The following TMEM175 variants were observed in gnomAD, a reference collection of about 807,000 sequenced individuals.
The protein encoded by TMEM175 is endosomal/lysosomal proton channel TMEM175.
TMEM175 carries 36 observed loss-of-function variants against 36.5 expected under a neutral mutation model. That is an observed-to-expected ratio of 0.99 (90% CI 0.76 to 1.30). TMEM175 has a LOEUF of 1.30. Among genes scored for constraint, TMEM175 ranks in the 50% most tolerant of loss-of-function variants. The pLI is 0.00. For missense variants in TMEM175, 705 were observed against 692.8 expected (o/e 1.02, Z -0.20); for synonymous variants, 339 against 313.4 (o/e 1.08, Z -0.86).
chr4:953,492 G>T, intron 8 of TMEM175, 138 bp downstream of exon 8: 1 of 1,102,670 alleles, frequency 9.1e-7, no homozygotes, highest in South Asian at 1.7e-5. Flanking sequence ...TTGTGTGTGA[G>T]GCCCAGGGCT....
chr4:955,330 A>G (rs990880371), intron 8 of TMEM175, 75 bp from the exon 9 acceptor site: 2 of 1,216,026 alleles, frequency 1.6e-6, no homozygotes, highest in East Asian at 2.4e-5. Context: ...CTGCTTTGGC[A>G]CACAGCTTTG....
rs756211893 is a variant in TMEM175 at position 955,745 on chromosome 4, G to A, written c.707-10G>A. On this transcript the variant is annotated splice_polypyrimidine_tract_variant and intron_variant, in intron 9 of 10. Transcript: ENST00000264771. ...GTTTGGCCAGCTCCACCCTCCTGGC[G>A]TGTCCCCAGGCCACAGGGAGCCCTC... 26 of 1,612,102 alleles carry A rather than the reference G, an allele frequency of 1.6e-5. 1 individual carries two copies. Among genetic ancestry groups the A allele is most frequent in the East Asian group, 6.7e-5 (3 of 44,856 alleles).
chr4:943,334 G>A (rs1478000658), intron 1 of TMEM175, among the ~76,000 whole-genome samples: 3 of 152,046 alleles, frequency 2.0e-5, no homozygotes, highest in Middle Eastern at 3.2e-3. Flanking sequence ...TCACCGCAAC[G>A]TCCACTTTCT....
chr4:951,310 C>T (rs1577428672), intron 5 of TMEM175, 52 bp downstream of exon 5: 1 of 1,602,486 alleles, frequency 6.2e-7, no homozygotes, highest in South Asian at 1.1e-5. Flanking sequence ...TGTAATCTGA[C>T]CCTCAGGGAA....
rs904910074 is a variant in TMEM175 at position 947,611 on chromosome 4, C to T, written c.-31-98C>T. The T allele has an allele frequency of 2.5e-5, 23 of 913,134 alleles. No homozygotes were observed. The South Asian group carries it at 3.3e-4, about 13-fold the overall frequency. The allele number at this position is 913,134 out of a possible 1,614,324, so 56.6% of individuals were successfully genotyped here. A position where few individuals can be genotyped will look rare whatever the true frequency, so the allele number is the denominator to read the frequency against. ...CCCTGCTCAGTGGCGGCCAAGCCCC[C>T]CCCCATACCAGTCCCTGTCCCTGCA... On this transcript the variant is annotated intron_variant, in intron 1 of 10. Coordinates refer to ENST00000264771, the MANE Select transcript of TMEM175 (RefSeq NM_032326.4).
At position 953,361 on chromosome 4, in the gene TMEM175, G is replaced by C; in HGVS notation, c.627+7G>C. 6.3e-7 allele frequency: 1 copy of C among 1,599,060 alleles called. No homozygotes were observed. Among genetic ancestry groups the C allele is most frequent in the Non-Finnish European group, 8.5e-7 (1 of 1,171,090 alleles). ...TCTCTTCTTTGTCCCCTTGGTGAGT[G>C]CTGGGACAGCCCGTGGGGCCCAGGC... is the stretch of plus-strand genomic sequence containing the variant. On this transcript the variant is annotated splice_region_variant and intron_variant, in intron 8 of 10. Coordinates refer to ENST00000264771, the MANE Select transcript of TMEM175 (RefSeq NM_032326.4).
chr4:958,178 G>GCAC lies in TMEM175; in HGVS notation c.1200_1202dup (p.His400dup), dbSNP rs1711505567. The GCAC allele has an allele frequency of 6.2e-7, 1 of 1,603,568 alleles. No individual in the cohort carries two copies. The highest frequency in any genetic ancestry group is 1.3e-5 in the African/African-American group (1 of 74,934). ...TGGCCATGTGGACCACGGCGCTGCT[G>GCAC]CACCAGGCGGAGACGCTGCAGCCCT... On this transcript the variant is annotated inframe_insertion, in exon 11 of 11. Coordinates refer to ENST00000264771, the MANE Select transcript of TMEM175 (RefSeq NM_032326.4).
intron 5 of TMEM175, 142 bp downstream of exon 5, chr4:951,400 C>G: frequency 1.0e-6 from 1 of 988,282 alleles, no homozygotes; most frequent in Non-Finnish European, 1.6e-6. Flanking sequence ...CTGGGAGCTC[C>G]TTGAATGATC....
At chr4:945,600 C>G (rs1728046138) in intron 1 of TMEM175, among the ~76,000 whole-genome samples, 2 of 152,198 alleles carry the variant, frequency 1.3e-5, no homozygotes, top group South Asian at 4.1e-4. Flanking sequence ...GGGGTGAACT[C>G]TCCTTGTTTT....
chr4:943,201 T>C (rs1405796045), intron 1 of TMEM175, among the ~76,000 whole-genome samples: 1 of 152,204 alleles, frequency 6.6e-6, no homozygotes, highest in Non-Finnish European at 1.5e-5. Context: ...GAGACACCCC[T>C]ACACGAGTAC....
In TMEM175 at chr4:957,886, C is replaced by T. The variant is rs751184486; in HGVS notation, c.905C>T (p.Ala302Val). ...AGGTTCAGCGGCAGCCTCGTGGCCG[C>T]CCTGAGTGCGACCGGGCCGCGCTTC... Reference protein sequence around the residue: ...KERFSGSLVAALSATGPRFLA... With the variant: ...KERFSGSLVAVLSATGPRFLA... Residue 302 changes from alanine to valine, a missense_variant, in exon 11 of 11, where the codon GCC (alanine) becomes GTC (valine). Transcript: ENST00000264771. 6.2e-7 allele frequency: 1 copy of T among 1,612,798 alleles called. No individual in the cohort carries two copies. The highest frequency in any genetic ancestry group is 1.3e-5 in the African/African-American group (1 of 75,066).
chr4:955,388 G>A lies in TMEM175; in HGVS notation c.628-17G>A, dbSNP rs201833639. The A allele has an allele frequency of 3.4e-5, 55 of 1,611,450 alleles. No homozygotes were observed. The highest frequency in any genetic ancestry group is 2.3e-4 in the Admixed American group (14 of 60,008). On this transcript the variant is annotated splice_polypyrimidine_tract_variant and intron_variant, in intron 8 of 10. Coordinates refer to ENST00000264771, the MANE Select transcript of TMEM175 (RefSeq NM_032326.4). ...ACCCCTGTGGAGGGCACTGACCTGC[G>A]GTTTGTCTCCCTGCAGTCTTACCTG... is the stretch of plus-strand genomic sequence containing the variant.
At chr4:954,686 T>C (rs981936949) in intron 8 of TMEM175, among the ~76,000 whole-genome samples, 1 of 152,192 alleles carries the variant, frequency 6.6e-6, no homozygotes, top group East Asian at 1.9e-4. Context: ...TTGGTGATTC[T>C]GTTTAATTTT....
rs1281209125 is a variant in TMEM175 at position 950,429 on chromosome 4, CAG to C, written c.203_204del (p.Arg68LysfsTer67). The part of the protein sequence containing the change: ...TEISPEQQFD[R>X]SVQRLLATRI... Reference sequence around the variant, plus strand: ...GTGCTCTTGTATTCCAGCAGTTCGACAGAAGTGTACAGAGGCTTCTGGCAACA... The same window carrying C: ...GTGCTCTTGTATTCCAGCAGTTCGACAAGTGTACAGAGGCTTCTGGCAACA... On this transcript the variant is annotated frameshift_variant, in exon 4 of 11. Coordinates refer to ENST00000264771, the MANE Select transcript of TMEM175 (RefSeq NM_032326.4). LOFTEE classifies it high-confidence loss of function. The C allele has an allele frequency of 2.5e-6, 4 of 1,613,456 alleles. No homozygotes were observed. Among genetic ancestry groups the C allele is most frequent in the Non-Finnish European group, 3.4e-6 (4 of 1,179,422 alleles).
At position 950,529 on chromosome 4, in the gene TMEM175, G is replaced by T. The variant is rs139406560; in HGVS notation, c.290+11G>T. The T allele has an allele frequency of 1.9e-6, 3 of 1,609,548 alleles. No individual in the cohort carries two copies. The African/African-American group carries it at 4.0e-5, about 22-fold the overall frequency. ...GGCAGCACACACAAGGTGGGGGCCC[G>T]GGCGCTTCCAGCGGTCCATAGCTGC... is the stretch of plus-strand genomic sequence containing the variant. On this transcript the variant is annotated intron_variant, in intron 4 of 10. Coordinates refer to ENST00000264771, the MANE Select transcript of TMEM175 (RefSeq NM_032326.4).
intron 3 of TMEM175, chr4:948,506 G>T (rs1284197683): frequency 7.1e-7 from 1 of 1,406,632 alleles, no homozygotes; most frequent in Non-Finnish European, 9.4e-7. Context: ...TCTGCGGGAG[G>T]GCAGCTGCCC....
intron 1 of TMEM175, among the ~76,000 whole-genome samples, chr4:940,973 T>C (rs1727377487): frequency 6.7e-6 from 1 of 149,972 alleles, no homozygotes; most frequent in Admixed American, 6.7e-5. Context: ...GCCACTGCAC[T>C]CCAGCCTGGG....
chr4:937,544 C>T (rs1726933344), intron 1 of TMEM175, among the ~76,000 whole-genome samples: 1 of 152,138 alleles, frequency 6.6e-6, no homozygotes, highest in Non-Finnish European at 1.5e-5. Context: ...ACCTGGACAA[C>T]AAGAGTGAAA....
chr4:935,238 C>T (rs1406216099), intron 1 of TMEM175, among the ~76,000 whole-genome samples: 1 of 152,196 alleles, frequency 6.6e-6, no homozygotes, highest in African/African-American at 2.4e-5. Flanking sequence ...TATTTATTGG[C>T]ATTGAAGTAG....
Sources: allele counts gnomAD v4.1 joint callset (sites outside exome capture counted in the v4.1 genomes callset), GRCh38; gene constraint gnomAD v4.1.1; transcripts MANE v1.5; gene names NCBI Gene and HGNC (gene_info 2026-07-23, HGNC 2026-07-21).